Variants in ZNF471 observed in about 807,000 individuals in gnomAD.
The protein encoded by ZNF471 is zinc finger protein 471.
Under a neutral mutation model 13.7 loss-of-function variants are expected in ZNF471, and 7 were observed. The observed-to-expected ratio is 0.51, with a 90% CI of 0.29 to 0.96. The LOEUF (loss-of-function observed/expected upper bound fraction) is 0.96. Ranked by LOEUF, ZNF471 falls within the 40% of genes least tolerant of loss-of-function variation. The pLI is 0.08. For synonymous variants in ZNF471, 218 were observed against 235.6 expected (o/e 0.93, Z 0.68); for missense variants, 663 against 743.3 (o/e 0.89, Z 1.26).
chr19:56,517,144 CTTT>C (rs145588906), intron 3 of ZNF471, among the ~76,000 whole-genome samples: 4 of 126,094 alleles, frequency 3.2e-5, no homozygotes, highest in African/African-American at 3.0e-5. Context: ...CTCTCGCTCT[CTTT>C]TTTTTTTTTT....
Position 56,525,480 on chromosome 19 carries a change from T to G in ZNF471, c.1413T>G (p.Asn471Lys). 4 of 1,614,088 alleles carry G rather than the reference T, an allele frequency of 2.5e-6. No homozygotes were observed. In the South Asian group the frequency reaches 4.4e-5, roughly 18 times the overall value. The stretch of plus-strand genomic sequence containing the variant: ...AATGTGGGAAAGCCTTTAGGCAGAA[T>G]GTACACCTTGTTAGTCATTTGAGAA... ...CKECGKAFRQNVHLVSHLRIH... is the reference protein window; with the variant it reads ...CKECGKAFRQKVHLVSHLRIH... Residue 471 changes from asparagine to lysine, a missense_variant, in exon 5 of 5, where the codon AAT (asparagine) becomes AAG (lysine). Physicochemically the swap from Asn to Lys is moderately conservative, Grantham distance 94 (BLOSUM62 0). Coordinates refer to ENST00000308031, the MANE Select transcript of ZNF471 (RefSeq NM_020813.4).
At position 56,522,616 on chromosome 19, in the gene ZNF471, A is replaced by G. The variant is rs1173552820; in HGVS notation, c.257-1708A>G. Among the ~76,000 whole-genome samples, 3 of 151,932 alleles carry G rather than the reference A, an allele frequency of 2.0e-5. No individual in the cohort carries two copies. Among genetic ancestry groups the G allele is most frequent in the Non-Finnish European group, 4.4e-5 (3 of 67,952 alleles). ...TTTTCTTGAAACCACCTTTTCCCTC[A>G]GGTTTTCTCTCAGTATCATCTCTTC... On this transcript the variant is annotated intron_variant, in intron 4 of 4. Coordinates refer to ENST00000308031, the MANE Select transcript of ZNF471 (RefSeq NM_020813.4). The surrounding 1 kb of genome is among the most constrained non-coding windows in gnomAD (Gnocchi z 4.1).
In ZNF471 at chr19:56,516,381, A is replaced by C; in HGVS notation, c.140A>C (p.Tyr47Ser). 1.2e-6 allele frequency: 2 copies of C among 1,613,624 alleles called. No homozygotes were observed. The highest frequency in any genetic ancestry group is 1.7e-6 in the Non-Finnish European group (2 of 1,179,738). ...RLYRSMMLENYQSLVSLGLCI... is the reference protein window; with the variant it reads ...RLYRSMMLENSQSLVSLGLCI... ...TACAGGAGTATGATGTTGGAGAACTATCAGAGCCTGGTATCACTTGGTGAG... is the reference window on the plus strand; with the variant it reads ...TACAGGAGTATGATGTTGGAGAACTCTCAGAGCCTGGTATCACTTGGTGAG... The change falls in exon 3 of 5, where the codon TAT (tyrosine) becomes TCT (serine). Residue 47 changes from tyrosine to serine, a missense_variant. Tyr to Ser is a moderately radical substitution (Grantham distance 144). Coordinates refer to ENST00000308031, the MANE Select transcript of ZNF471 (RefSeq NM_020813.4). This position sits in a 1 kb window ranked among gnomAD's most constrained non-coding sequence, Gnocchi z 4.4.
At position 56,526,626 on chromosome 19, in the gene ZNF471, C is replaced by A. The variant is rs2044052241; in HGVS notation, c.*678C>A. 1 of 152,278 alleles carries A rather than the reference C, an allele frequency of 6.6e-6. No individual in the cohort carries two copies. The highest frequency in any genetic ancestry group is 6.5e-5 in the Admixed American group (1 of 15,288). 9.4% of individuals were successfully genotyped at this position (152,278 alleles called of 1,614,324 possible). On this transcript the variant is annotated 3_prime_UTR_variant, in exon 5 of 5. Coordinates refer to ENST00000308031, the MANE Select transcript of ZNF471 (RefSeq NM_020813.4). ...TGGCTTGGAATTCTCCCTGCCAGCA[C>A]AGCAGTCTGAAGTCAACCTGGGATG...
chr19:56,518,837 A>G (rs2043929769), intron 4 of ZNF471, among the ~76,000 whole-genome samples: 1 of 152,192 alleles, frequency 6.6e-6, no homozygotes, highest in African/African-American at 2.4e-5. Flanking sequence ...AAAAATCATT[A>G]TCCAGCTCCT....
rs2043758453 is a variant in ZNF471, at chr19:56,508,227, TTC to T, written c.-56+309_-56+310del. 1 of 785,156 alleles carries T rather than the reference TTC, an allele frequency of 1.3e-6. No individual in the cohort carries two copies. Among genetic ancestry groups the T allele is most frequent in the Non-Finnish European group, 1.5e-6 (1 of 679,162 alleles). The allele number at this position is 785,156 out of a possible 1,614,324, so 48.6% of individuals were successfully genotyped here. ...GTGAGGCTCCGTGAGAGGGTGTGGT[TTC>T]TGTGTGTGTGTGTGTGTGTGTGTGA... On this transcript the variant is annotated intron_variant, in intron 1 of 4. Transcript: ENST00000308031. The surrounding 1 kb of genome is among the most constrained non-coding windows in gnomAD (Gnocchi z 4.7).
intron 1 of ZNF471, 142 bp from the exon 2 acceptor site, chr19:56,511,375 T>A (rs17273442): frequency 0.44 from 255,614 of 578,476 alleles, 58,735 homozygotes; most frequent in Middle Eastern, 0.49. Flanking sequence ...GTTATGAGTT[T>A]TAGCCCTTCA....
intron 1 of ZNF471, chr19:56,511,071 G>T: frequency 2.1e-6 from 2 of 975,214 alleles, no homozygotes; most frequent in Non-Finnish European, 2.4e-6. Flanking sequence ...TGGCATTTGG[G>T]AGTCAGATTT....
rs369270810 is a variant in ZNF471 at position 56,525,501 on chromosome 19, G to A, written c.1434G>A (p.Leu478=). The change falls in exon 5 of 5, where the codon TTG becomes TTA. Residue 478 remains leucine, a synonymous_variant. Transcript: ENST00000308031. ...FRQNVHLVSH[L]RIHTGEKPYE... is the part of the protein sequence containing the mutation. The stretch of plus-strand genomic sequence containing the variant: ...AGAATGTACACCTTGTTAGTCATTT[G>A]AGAATTCATACTGGTGAAAAACCCT... 8.7e-6 allele frequency: 14 copies of A among 1,613,980 alleles called. No individual in the cohort carries two copies. Among genetic ancestry groups the A allele is most frequent in the Non-Finnish European group, 1.2e-5 (14 of 1,180,038 alleles).
chr19:56,513,802 A>G (rs1006649131), intron 2 of ZNF471, among the ~76,000 whole-genome samples: 1 of 152,034 alleles, frequency 6.6e-6, no homozygotes, highest in Non-Finnish European at 1.5e-5. Context: ...TATTTTTAAA[A>G]GATAGTTTGA....
chr19:56,515,031 T>C lies in ZNF471; in HGVS notation c.34-1244T>C, dbSNP rs1441844851. On this transcript the variant is annotated intron_variant, in intron 2 of 4. Coordinates refer to ENST00000308031, the MANE Select transcript of ZNF471 (RefSeq NM_020813.4). ...AAAAGAAAAAAGAATTACAAGCTCT[T>C]CAGATGCTATCCATTGGGATTTACT... is the stretch of plus-strand genomic sequence containing the variant. 2.0e-5 allele frequency among the ~76,000 whole-genome samples: 3 copies of C among 152,178 alleles called. 1 individual carries two copies. The highest frequency in any genetic ancestry group is 7.2e-5 in the African/African-American group (3 of 41,454).
At chr19:56,521,038 T>G (rs2043963683) in intron 4 of ZNF471, among the ~76,000 whole-genome samples, 1 of 152,134 alleles carries the variant, frequency 6.6e-6, no homozygotes, top group African/African-American at 2.4e-5. Context: ...GGAGAGAGCT[T>G]GTGCAGGGGG....
Position 56,516,156 on chromosome 19 carries a change from A to AT in ZNF471, c.34-116dup. ...GTACTGTTTTGGCTTGGATCTTCCT[A>AT]TTTATGTTTTTTCTCTTCTATGAGT... On this transcript the variant is annotated intron_variant, in intron 2 of 4. Coordinates refer to ENST00000308031, the MANE Select transcript of ZNF471 (RefSeq NM_020813.4). The surrounding 1 kb of genome is among the most constrained non-coding windows in gnomAD (Gnocchi z 4.4). 9.8e-7 allele frequency: 1 copy of AT among 1,021,340 alleles called. No individual in the cohort carries two copies. Among genetic ancestry groups the AT allele is most frequent in the Non-Finnish European group, 1.4e-6 (1 of 692,256 alleles). The allele number at this position is 1,021,340 out of a possible 1,614,324, so 63.3% of individuals were successfully genotyped here. A position where few individuals can be genotyped will look rare whatever the true frequency, so the allele number is the denominator to read the frequency against.
chr19:56,508,206 G>A lies in ZNF471; in HGVS notation c.-56+286G>A. ...GTGTAAAAGATCTGTCAGAGTGTGA[G>A]GCTCCGTGAGAGGGTGTGGTTTCTG... On this transcript the variant is annotated intron_variant, in intron 1 of 4. Coordinates refer to ENST00000308031, the MANE Select transcript of ZNF471 (RefSeq NM_020813.4). This position sits in a 1 kb window ranked among gnomAD's most constrained non-coding sequence, Gnocchi z 4.7. 1 of 978,088 alleles carries A rather than the reference G, an allele frequency of 1.0e-6. No individual in the cohort carries two copies. The highest frequency in any genetic ancestry group is 4.8e-5 in the South Asian group (1 of 21,008). The allele number at this position is 978,088 out of a possible 1,614,324, so 60.6% of individuals were successfully genotyped here. A position where few individuals can be genotyped will look rare whatever the true frequency, so the allele number is the denominator to read the frequency against.
In ZNF471 at chr19:56,509,275, A is replaced by G. The variant is rs541310762; in HGVS notation, c.-56+1355A>G. On this transcript the variant is annotated intron_variant, in intron 1 of 4. Coordinates refer to ENST00000308031, the MANE Select transcript of ZNF471 (RefSeq NM_020813.4). ...CATGCCTACATTATGAAGCTTCCATAAAAACCCAAAAGGACTGGGTTCATC... is the reference window on the plus strand; with the variant it reads ...CATGCCTACATTATGAAGCTTCCATGAAAACCCAAAAGGACTGGGTTCATC... Among the ~76,000 whole-genome samples the G allele has an allele frequency of 3.9e-5, 6 of 152,318 alleles. No homozygotes were observed. The Middle Eastern group carries it at 0.01, about 259-fold the overall frequency.
rs1475324737 is a variant in ZNF471 at position 56,522,400 on chromosome 19, T to C, written c.257-1924T>C. On this transcript the variant is annotated intron_variant, in intron 4 of 4. Transcript: ENST00000308031. The surrounding 1 kb of genome is among the most constrained non-coding windows in gnomAD (Gnocchi z 4.1). ...CTTTATCTCACACTTGATTATGTTT[T>C]GTATTATCTTCTCAAAACTTTTTTT... Among the ~76,000 whole-genome samples, 1 of 152,236 alleles carries C rather than the reference T, an allele frequency of 6.6e-6. No individual in the cohort carries two copies. Among genetic ancestry groups the C allele is most frequent in the African/African-American group, 2.4e-5 (1 of 41,462 alleles).
rs2043889815 is a variant in ZNF471, at chr19:56,516,397, A to C, written c.156A>C (p.Ser52=). The change falls in exon 3 of 5, where the codon TCA becomes TCC. Residue 52 remains serine (S), a synonymous_variant. Coordinates refer to ENST00000308031, the MANE Select transcript of ZNF471 (RefSeq NM_020813.4). The surrounding 1 kb of genome is among the most constrained non-coding windows in gnomAD (Gnocchi z 4.4). Reference sequence around the variant, plus strand: ...TGGAGAACTATCAGAGCCTGGTATCACTTGGTGAGGATCTTTTCCCTCCTG... The same window carrying C: ...TGGAGAACTATCAGAGCCTGGTATCCCTTGGTGAGGATCTTTTCCCTCCTG... ...MMLENYQSLV[S]LGLCISKPYV... 6.2e-7 allele frequency: 1 copy of C among 1,612,264 alleles called. No homozygotes were observed. Among genetic ancestry groups the C allele is most frequent in the Non-Finnish European group, 8.5e-7 (1 of 1,179,276 alleles).
rs569320066 is a variant in ZNF471, at chr19:56,526,077, G to C, written c.*129G>C. On this transcript the variant is annotated 3_prime_UTR_variant, in exon 5 of 5. Coordinates refer to ENST00000308031, the MANE Select transcript of ZNF471 (RefSeq NM_020813.4). Reference sequence around the variant, plus strand: ...AAACCTTCAGCCAGGAGGCTGGCAAGATGGCCGAATAGGAACAGCTCTGAT... The same window carrying C: ...AAACCTTCAGCCAGGAGGCTGGCAACATGGCCGAATAGGAACAGCTCTGAT... The C allele has an allele frequency of 1.2e-4, 120 of 966,390 alleles. 1 individual carries two copies. The highest frequency in any genetic ancestry group is 8.6e-4 in the Middle Eastern group (3 of 3,508). The allele number at this position is 966,390 out of a possible 1,614,324, so 59.9% of individuals were successfully genotyped here.
rs757944072 is a variant in ZNF471, at chr19:56,508,715, C to T, written c.-56+795C>T. ...AGAAATGGGTGTTTTGGGTGAAAGA[C>T]CCGTCAGTGTGTGAGGCCGTGTTAT... On this transcript the variant is annotated intron_variant, in intron 1 of 4. Coordinates refer to ENST00000308031, the MANE Select transcript of ZNF471 (RefSeq NM_020813.4). This position sits in a 1 kb window ranked among gnomAD's most constrained non-coding sequence, Gnocchi z 4.7. Among the ~76,000 whole-genome samples, 39 of 151,394 alleles carry T rather than the reference C, an allele frequency of 2.6e-4. No homozygotes were observed. The highest frequency in any genetic ancestry group is 1.8e-3 in the Admixed American group (28 of 15,232).
Sources: gnomAD v4.1 joint callset for allele counts (sites outside exome capture counted in the v4.1 genomes callset) on GRCh38, gnomAD v4.1.1 for gene constraint, Gnocchi (gnomAD v3.1) non-coding constraint, MANE v1.5 for transcripts, NCBI Gene and HGNC (gene_info 2026-07-23, HGNC 2026-07-21) for gene names.